UBTF: variants seen among roughly 807,000 people sequenced by gnomAD.
UBTF encodes nucleolar transcription factor 1.
In UBTF, 8 loss-of-function variants were observed where a neutral mutation model predicts 112.3. The observed-to-expected ratio is 0.07, with a 90% CI of 0.04 to 0.13. UBTF has a LOEUF of 0.13. Among genes scored for constraint, UBTF ranks in the 10% least tolerant of loss-of-function variants. The pLI is 1.00. For synonymous variants in UBTF, 417 were observed against 373.1 expected, an observed-to-expected ratio of 1.12 and a Z score of -1.36; for missense variants, 457 against 982.1, an observed-to-expected ratio of 0.47 and a Z score of 7.15.
chr17:44,218,335 G>A (rs557234258), intron 1 of UBTF, 39 bp from the exon 2 acceptor site: 32 of 1,288,618 alleles, frequency 2.5e-5, no homozygotes, highest in Non-Finnish European at 3.3e-5. Context: ...GGAAGGCTGA[G>A]AGGTGAACGA....
At chr17:44,218,329 G>A (rs1389372093) in intron 1 of UBTF, 33 bp from the exon 2 acceptor site, 7 of 1,343,436 alleles carry the variant, frequency 5.2e-6, no homozygotes, top group Non-Finnish European at 7.3e-6. Flanking sequence ...CACTCAGGAA[G>A]GCTGAGAGGT....
At chr17:44,216,855 C>G in intron 2 of UBTF, 151 bp from the exon 3 acceptor site, 1 of 732,650 alleles carries the variant, frequency 1.4e-6, no homozygotes, top group Non-Finnish European at 2.3e-6. Context: ...TGGCTCAGCC[C>G]TAAGGAAACT....
chr17:44,207,338 G>A lies in UBTF; in HGVS notation c.2199C>T (p.Asp733=), dbSNP rs1416147843. The change falls in exon 21 of 21, where the codon GAC becomes GAT. Residue 733 remains aspartate, a synonymous_variant. Coordinates refer to ENST00000436088, the MANE Select transcript of UBTF (RefSeq NM_014233.4). ...CTTCATCCTCATCGTCATCCTCGTC[G>A]TCGTCTTCGTCCTCGTCATCCTCTT... ...ENEEDDEDED[D]DEDDDEDEDN... is the part of the protein sequence containing the mutation. 8.7e-6 allele frequency: 14 copies of A among 1,612,210 alleles called. No individual in the cohort carries two copies. Among genetic ancestry groups the A allele is most frequent in the Admixed American group, 5.0e-5 (3 of 59,672 alleles).
chr17:44,208,017 C>A, intron 17 of UBTF, 106 bp from the exon 18 acceptor site: 1 of 1,395,096 alleles, frequency 7.2e-7, no homozygotes, highest in East Asian at 2.4e-5. Context: ...TATCATCACC[C>A]CATCTTACCC....
chr17:44,210,722 G>A (rs1217535833), intron 13 of UBTF, 70 bp downstream of exon 13: 32 of 1,536,010 alleles, frequency 2.1e-5, no homozygotes, highest in Non-Finnish European at 2.6e-5. Context: ...GAGGTGGCAC[G>A]GCCCGCCAAG....
At position 44,209,457 on chromosome 17, in the gene UBTF, G is replaced by A. The variant is rs758417417; in HGVS notation, c.1800C>T (p.Ile600=). ...GGGAGATGCGCTGCCAGCGACTGCC[G>A]ATCTCCACCATGCGCTCCTTCAGCG... The part of the protein sequence containing the change: ...HLPLKERMVE[I]GSRWQRISQS... The change falls in exon 17 of 21, where the codon ATC becomes ATT. Residue 600 remains isoleucine, a synonymous_variant. Transcript: ENST00000436088. 7 of 1,614,042 alleles carry A rather than the reference G, an allele frequency of 4.3e-6. No homozygotes were observed. Among genetic ancestry groups the A allele is most frequent in the East Asian group, 2.2e-5 (1 of 44,894 alleles).
chr17:44,210,026 G>C (rs1285596969), intron 15 of UBTF, 98 bp downstream of exon 15: 1 of 1,275,558 alleles, frequency 7.8e-7, no homozygotes, highest in Admixed American at 1.8e-5. Flanking sequence ...CTTGCTGAGA[G>C]TCACAGACCA....
upstream of UBTF, chr17:44,219,761 T>G (rs2047076617): frequency 6.7e-6 from 1 of 150,098 alleles, no homozygotes; most frequent in Admixed American, 6.7e-5. Flanking sequence ...CGCCGCAGCC[T>G]CAGCCGCCGG....
At chr17:44,209,800 T>C (rs2056534461) in intron 15 of UBTF, 67 bp from the exon 16 acceptor site, 7 of 1,526,180 alleles carry the variant, frequency 4.6e-6, no homozygotes, top group African/African-American at 1.4e-5. Flanking sequence ...TTCTGCCTCA[T>C]GCCATCAGCA....
At position 44,215,517 on chromosome 17, in the gene UBTF, C is replaced by T. The variant is rs1175926398; in HGVS notation, c.474+137G>A. Reference sequence around the variant, plus strand: ...GGAAGGGGCAATCAGGTGTGGCTGCCCAGGACCTATTCTGCTGTGCTGACT... The same window carrying T: ...GGAAGGGGCAATCAGGTGTGGCTGCTCAGGACCTATTCTGCTGTGCTGACT... On this transcript the variant is annotated intron_variant, in intron 5 of 20. Transcript: ENST00000436088. The T allele has an allele frequency of 9.9e-6, 11 of 1,114,032 alleles. No individual in the cohort carries two copies. The Admixed American group carries it at 2.5e-4, about 25-fold the overall frequency. The allele number at this position is 1,114,032 out of a possible 1,614,324, so 69.0% of individuals were successfully genotyped here.
intron 13 of UBTF, 28 bp from the exon 14 acceptor site, chr17:44,210,501 T>C: frequency 6.4e-7 from 1 of 1,563,354 alleles, no homozygotes; most frequent in Non-Finnish European, 8.6e-7. Flanking sequence ...GCGTCAGCCT[T>C]CCACCCACCC....
intron 7 of UBTF, 74 bp downstream of exon 7, chr17:44,212,745 C>T (rs565198358): frequency 7.0e-5 from 111 of 1,588,092 alleles, no homozygotes; most frequent in Non-Finnish European, 8.3e-5. Context: ...GCACCGTGCC[C>T]GGCCGACCTG....
intron 1 of UBTF, 88 bp from the exon 2 acceptor site, chr17:44,218,384 G>C (rs1295308364): frequency 2.7e-6 from 2 of 727,784 alleles, no homozygotes; most frequent in Non-Finnish European, 4.6e-6. Context: ...AAGGGGGCAG[G>C]TCCACACTCT....
intron 20 of UBTF, 32 bp from the exon 21 acceptor site, chr17:44,207,399 G>C (rs1157854241): frequency 6.2e-7 from 1 of 1,611,922 alleles, no homozygotes; most frequent in African/African-American, 1.3e-5. Context: ...GGAGTCACCA[G>C]GTGGCCCTCC....
In UBTF at chr17:44,212,870, C is replaced by T. The variant is rs1240065966; in HGVS notation, c.609G>A (p.Gln203=). The T allele has an allele frequency of 1.2e-6, 2 of 1,614,036 alleles. No homozygotes were observed. The highest frequency in any genetic ancestry group is 2.7e-5 in the African/African-American group (2 of 74,940). The change falls in exon 7 of 21, where the codon CAG becomes CAA. Residue 203 remains glutamine (Q), a synonymous_variant. Coordinates refer to ENST00000436088, the MANE Select transcript of UBTF (RefSeq NM_014233.4). ...SDIPEKPKTP[Q]QLWYTHEKKV... ...TCTTCTCGTGGGTGTACCACAGCTG[C>T]TGGGGGGTTTTGGGCTTCTCTGGGA...
chr17:44,217,824 C>T (rs1215241833), intron 2 of UBTF, among the ~76,000 whole-genome samples: 3 of 152,146 alleles, frequency 2.0e-5, no homozygotes, highest in Non-Finnish European at 4.4e-5. Context: ...GCCTGAGAAG[C>T]CTTCCCCAAC....
At chr17:44,215,108 GA>G (rs5820526) in intron 5 of UBTF, among the ~76,000 whole-genome samples, 68,711 of 152,018 alleles carry the variant, frequency 0.45, 17,873 homozygotes, top group East Asian at 0.76. Context: ...CGTGTGCGTG[GA>G]GAAGTGCACT....
At chr17:44,213,419 C>T (rs1339543237) in intron 5 of UBTF, 137 bp from the exon 6 acceptor site, 1 of 954,136 alleles carries the variant, frequency 1.0e-6, no homozygotes, top group East Asian at 2.7e-5. Flanking sequence ...GGCGCCCTGC[C>T]CGCCTCCTGG....
chr17:44,215,987 C>T lies in UBTF; in HGVS notation c.237G>A (p.Val79=), dbSNP rs1453096692. 6.2e-7 allele frequency: 1 copy of T among 1,613,746 alleles called. No individual in the cohort carries two copies. The highest frequency in any genetic ancestry group is 8.5e-7 in the Non-Finnish European group (1 of 1,179,794). ...KLKWVEISNE[V]RKFRTLTELI... Reference sequence around the variant, plus strand: ...ATTCTGTCAATGTACGGAACTTCCTCACCTGGAGGAAGAGGGGTGGGAGGA... The same window carrying T: ...ATTCTGTCAATGTACGGAACTTCCTTACCTGGAGGAAGAGGGGTGGGAGGA... Residue 79 remains valine, a splice_region_variant and synonymous_variant, in exon 4 of 21, where the codon GTG becomes GTA. Transcript: ENST00000436088.
Sources: allele counts gnomAD v4.1 joint callset (sites outside exome capture counted in the v4.1 genomes callset), GRCh38; gene constraint gnomAD v4.1.1; transcripts MANE v1.5; gene names NCBI Gene and HGNC (gene_info 2026-07-23, HGNC 2026-07-21).